Variants in MARCHF1 observed in about 807,000 individuals in gnomAD.
MARCHF1 encodes E3 ubiquitin-protein ligase MARCHF1.
A neutral mutation model predicts 54.2 loss-of-function variants in MARCHF1; 40 were observed. The ratio of observed to expected loss-of-function variants is 0.74; its 90% confidence interval spans 0.57 to 0.96. MARCHF1 has a LOEUF of 0.96. Ranked by LOEUF, MARCHF1 falls within the 40% of genes least tolerant of loss-of-function variation. MARCHF1 has a pLI of 0.00. For synonymous variants in MARCHF1, 236 were observed against 236.3 expected (o/e 1.00, Z 0.01); for missense variants, 586 against 656.5 (o/e 0.89, Z 1.17).
At chr4:163,646,685 G>A (rs1742771574) in intron 5 of MARCHF1, among the ~76,000 whole-genome samples, 1 of 152,010 alleles carries the variant, frequency 6.6e-6, no homozygotes, top group Non-Finnish European at 1.5e-5. Flanking sequence ...TTGAAATTAA[G>A]TTATCAGCTT....
intron 3 of MARCHF1, among the ~76,000 whole-genome samples, chr4:163,913,339 T>C (rs560905262): frequency 1.3e-5 from 2 of 152,316 alleles, no homozygotes; most frequent in South Asian, 4.1e-4. Flanking sequence ...AGGGATCTGC[T>C]TCTGTTTTAA....
chr4:164,107,878 G>T (rs987474648), intron 2 of MARCHF1, among the ~76,000 whole-genome samples: 1 of 151,992 alleles, frequency 6.6e-6, no homozygotes, highest in Admixed American at 6.6e-5. Context: ...TGGAAAATAA[G>T]TTCAGGATAT....
intron 2 of MARCHF1, among the ~76,000 whole-genome samples, chr4:164,005,714 C>A (rs183494527): frequency 3.4e-4 from 52 of 152,212 alleles, no homozygotes; most frequent in African/African-American, 1.3e-3. Flanking sequence ...GGACTACCAT[C>A]CCCAGGCTTG....
chr4:164,164,082 A>G (rs1460141430), intron 1 of MARCHF1, among the ~76,000 whole-genome samples: 1 of 151,988 alleles, frequency 6.6e-6, no homozygotes, highest in Non-Finnish European at 1.5e-5. Flanking sequence ...CTACTAAAGC[A>G]GTTCTTAAGA....
intron 2 of MARCHF1, among the ~76,000 whole-genome samples, chr4:164,096,266 C>G (rs1031418367): frequency 2.6e-5 from 4 of 152,076 alleles, no homozygotes; most frequent in African/African-American, 9.7e-5. Flanking sequence ...TCCTTTGCAG[C>G]AATATGGATG....
intron 9 of MARCHF1, among the ~76,000 whole-genome samples, chr4:163,534,663 C>T (rs76166755): frequency 9.2e-5 from 14 of 152,104 alleles, no homozygotes; most frequent in African/African-American, 2.6e-4. Context: ...CTTTAGAGTA[C>T]GAAAATGGAC....
chr4:163,861,894 CAG>C (rs1749945223), intron 3 of MARCHF1, among the ~76,000 whole-genome samples: 1 of 151,912 alleles, frequency 6.6e-6, no homozygotes, highest in Middle Eastern at 3.2e-3. Context: ...GACAATAAAA[CAG>C]AGATTTTAGA....
rs35028495 is a variant in MARCHF1, at chr4:164,196,914, G to A, written c.-322-85252C>T. ...TCAGGGGGCAGGATTGGAGGGGGGA[G>A]GGGATATGGGTAAAAACAGTCAAAT... is the stretch of plus-strand genomic sequence containing the variant. On this transcript the variant is annotated intron_variant, in intron 1 of 9. Transcript: ENST00000514618. 6 of 1,478,882 alleles carry A rather than the reference G, an allele frequency of 4.1e-6. No individual in the cohort carries two copies. The Admixed American group carries it at 8.7e-5, about 21-fold the overall frequency. 91.6% of individuals were successfully genotyped at this position (1,478,882 alleles called of 1,614,324 possible).
chr4:163,834,606 C>A (rs1184384579), intron 4 of MARCHF1, among the ~76,000 whole-genome samples: 1 of 120,076 alleles, frequency 8.3e-6, no homozygotes, highest in African/African-American at 3.1e-5. Context: ...TCCCCCCTCC[C>A]CCCACCCCAC....
At chr4:164,222,334 G>A (rs1322004536) in intron 1 of MARCHF1, among the ~76,000 whole-genome samples, 1 of 151,264 alleles carries the variant, frequency 6.6e-6, no homozygotes, top group Non-Finnish European at 1.5e-5. Context: ...GGCATATAAG[G>A]AAATTAATTT....
chr4:164,058,739 A>G (rs981277716), intron 2 of MARCHF1, among the ~76,000 whole-genome samples: 1 of 152,140 alleles, frequency 6.6e-6, no homozygotes, highest in Non-Finnish European at 1.5e-5. Context: ...GACAACTTTC[A>G]TGAGGGGAAA....
At chr4:163,821,205 T>C (rs1748683799) in intron 4 of MARCHF1, among the ~76,000 whole-genome samples, 1 of 151,974 alleles carries the variant, frequency 6.6e-6, no homozygotes, top group Non-Finnish European at 1.5e-5. Context: ...CAACTAACTC[T>C]TACCCTTCAA....
chr4:163,534,704 T>C (rs1251579436), intron 9 of MARCHF1, among the ~76,000 whole-genome samples: 1 of 152,102 alleles, frequency 6.6e-6, no homozygotes, highest in Non-Finnish European at 1.5e-5. Flanking sequence ...AATCAGTGTC[T>C]GTTAGTCGTA....
intron 5 of MARCHF1, among the ~76,000 whole-genome samples, chr4:163,631,505 T>C (rs1389633369): frequency 6.6e-6 from 1 of 152,222 alleles, no homozygotes; most frequent in African/African-American, 2.4e-5. Flanking sequence ...GACATTCTTA[T>C]AATGTGGCAA....
intron 1 of MARCHF1, among the ~76,000 whole-genome samples, chr4:164,146,243 C>A (rs372046364): frequency 3.4e-5 from 5 of 145,574 alleles, no homozygotes; most frequent in Non-Finnish European, 7.4e-5. Flanking sequence ...AATGGCCATA[C>A]TGCCCAAGGT....
chr4:164,339,140 CCTCA>C (rs1729842697), intron 1 of MARCHF1, among the ~76,000 whole-genome samples: 1 of 151,952 alleles, frequency 6.6e-6, no homozygotes, highest in Admixed American at 6.6e-5. Context: ...AACGTTAATT[CCTCA>C]CTTTCAACAA....
At chr4:164,036,870 C>G (rs1428996778) in intron 2 of MARCHF1, among the ~76,000 whole-genome samples, 31 of 152,022 alleles carry the variant, frequency 2.0e-4, no homozygotes, top group Admixed American at 2.0e-3. Context: ...TGGGTATTAT[C>G]TAATGGTGAA....
chr4:164,210,255 A>T (rs1253612131), intron 1 of MARCHF1, among the ~76,000 whole-genome samples: 6 of 152,202 alleles, frequency 3.9e-5, no homozygotes, highest in Non-Finnish European at 7.4e-5. Flanking sequence ...TGCGAAGATG[A>T]GAAAAAGCTG....
chr4:164,350,416 G>A (rs947170973), intron 1 of MARCHF1, among the ~76,000 whole-genome samples: 2 of 151,950 alleles, frequency 1.3e-5, no homozygotes, highest in Admixed American at 1.3e-4. Context: ...TAGATAAGAG[G>A]AATAAGTTCT....
Sources: allele counts gnomAD v4.1 joint callset (sites outside exome capture counted in the v4.1 genomes callset), GRCh38; gene constraint gnomAD v4.1.1; transcripts MANE v1.5; gene names NCBI Gene and HGNC (gene_info 2026-07-23, HGNC 2026-07-21).